Variants in ZFPM2 observed in about 807,000 individuals in gnomAD.
The protein encoded by ZFPM2 is zinc finger protein, FOG family member 2.
In ZFPM2, 20 loss-of-function variants were observed where a neutral mutation model predicts 98.6. That is an observed-to-expected ratio of 0.20 (90% CI 0.14 to 0.29). ZFPM2 has a LOEUF of 0.29. Among genes scored for constraint, ZFPM2 ranks in the 10% least tolerant of loss-of-function variants. The pLI is 1.00. For synonymous variants in ZFPM2, 518 were observed against 502.7 expected (o/e 1.03, Z -0.41); for missense variants, 1,310 against 1,388.6 (o/e 0.94, Z 0.90).
At chr8:105,523,537 G>A (rs139407766) in intron 3 of ZFPM2, among the ~76,000 whole-genome samples, 164 of 152,246 alleles carry the variant, frequency 1.1e-3, no homozygotes, top group African/African-American at 3.8e-3. Context: ...ATATACTAAG[G>A]TTATGCCTTT....
chr8:105,576,684 C>T (rs1008971068), intron 4 of ZFPM2, among the ~76,000 whole-genome samples: 1 of 152,148 alleles, frequency 6.6e-6, no homozygotes, highest in Admixed American at 6.5e-5. Flanking sequence ...TATTAATGCT[C>T]CTACTTTGTA....
intron 4 of ZFPM2, among the ~76,000 whole-genome samples, chr8:105,578,347 A>G (rs1815513084): frequency 6.6e-6 from 1 of 152,102 alleles, no homozygotes; most frequent in Non-Finnish European, 1.5e-5. Flanking sequence ...GCAAAAGTAC[A>G]GACTATTTTA....
chr8:105,340,551 T>C (rs1157627966), intron 1 of ZFPM2, among the ~76,000 whole-genome samples: 3 of 152,014 alleles, frequency 2.0e-5, no homozygotes, highest in Non-Finnish European at 4.4e-5. Flanking sequence ...TAGCTTACTT[T>C]AAAAGCAATA....
chr8:105,325,661 A>G (rs1485308190), intron 1 of ZFPM2, among the ~76,000 whole-genome samples: 1 of 151,660 alleles, frequency 6.6e-6, no homozygotes, highest in Non-Finnish European at 1.5e-5. Flanking sequence ...AAGAACATTG[A>G]TTTAGTTTTT....
chr8:105,802,601 C>T lies in ZFPM2; in HGVS notation c.2519C>T (p.Ser840Phe), dbSNP rs1814065662. ...CTCAGCAAAAAGTGTTTATCTCAGT[C>T]TGAGCGGACGACCACGTCTCCCAAA... ...IDLSKKCLSQ[S>F]ERTTTSPKRL... The change falls in exon 8 of 8, where the codon TCT becomes TTT. Residue 840 changes from serine (S) to phenylalanine (F), a missense_variant. Physicochemically the swap from Ser to Phe is radical, Grantham distance 155. Coordinates refer to ENST00000407775, the MANE Select transcript of ZFPM2 (RefSeq NM_012082.4). 2 of 1,610,370 alleles carry T rather than the reference C, an allele frequency of 1.2e-6. No homozygotes were observed. The highest frequency in any genetic ancestry group is 1.3e-5 in the African/African-American group (1 of 74,864).
At chr8:105,487,414 C>T (rs73302196) in intron 3 of ZFPM2, among the ~76,000 whole-genome samples, 6 of 152,150 alleles carry the variant, frequency 3.9e-5, no homozygotes, top group Non-Finnish European at 8.8e-5. Flanking sequence ...CCACCATATC[C>T]AGCCACAATA....
intron 4 of ZFPM2, among the ~76,000 whole-genome samples, chr8:105,620,031 C>T (rs1040444118): frequency 6.6e-6 from 1 of 151,998 alleles, no homozygotes; most frequent in Non-Finnish European, 1.5e-5. Flanking sequence ...ATTTATAATC[C>T]TTTGGGTATA....
At chr8:105,602,057 G>T (rs965083105) in intron 4 of ZFPM2, among the ~76,000 whole-genome samples, 10 of 152,122 alleles carry the variant, frequency 6.6e-5, no homozygotes, top group African/African-American at 2.4e-4. Flanking sequence ...GTAGACAGAA[G>T]CTTTGAACTT....
intron 3 of ZFPM2, among the ~76,000 whole-genome samples, chr8:105,483,855 T>A (rs1181689286): frequency 6.6e-6 from 1 of 150,968 alleles, no homozygotes; most frequent in Non-Finnish European, 1.5e-5. Context: ...TGCCTCAGCC[T>A]CCCGAGTAGC....
chr8:105,769,350 G>A (rs534256376), intron 5 of ZFPM2, among the ~76,000 whole-genome samples: 110 of 152,110 alleles, frequency 7.2e-4, no homozygotes, highest in African/African-American at 2.6e-3. Context: ...TCCTTTGATT[G>A]ACTCTGTGAT....
At chr8:105,456,437 A>G (rs1376700929) in intron 3 of ZFPM2, among the ~76,000 whole-genome samples, 2 of 151,900 alleles carry the variant, frequency 1.3e-5, no homozygotes, top group Non-Finnish European at 2.9e-5. Context: ...TGTAAAATAA[A>G]TTTTCTTGGT....
At chr8:105,620,848 G>A (rs1469889743) in intron 4 of ZFPM2, among the ~76,000 whole-genome samples, 1 of 152,148 alleles carries the variant, frequency 6.6e-6, no homozygotes, top group Non-Finnish European at 1.5e-5. Context: ...TTGTAGATGT[G>A]TGGTATTATT....
intron 4 of ZFPM2, among the ~76,000 whole-genome samples, chr8:105,624,222 G>A (rs1027614410): frequency 1.1e-4 from 16 of 152,222 alleles, no homozygotes; most frequent in African/African-American, 3.4e-4. Flanking sequence ...AGGGGTACTC[G>A]AGAGCAATTT....
intron 3 of ZFPM2, among the ~76,000 whole-genome samples, chr8:105,444,951 G>A (rs1400915311): frequency 6.6e-6 from 1 of 152,050 alleles, no homozygotes; most frequent in Non-Finnish European, 1.5e-5. Context: ...CAATATAAAT[G>A]TATGTAAATA....
intron 6 of ZFPM2, among the ~76,000 whole-genome samples, chr8:105,791,151 G>A (rs1813597775): frequency 6.6e-6 from 1 of 152,138 alleles, no homozygotes; most frequent in Admixed American, 6.5e-5. Context: ...GTGAGACAGG[G>A]CATCCCTGTC....
intron 1 of ZFPM2, among the ~76,000 whole-genome samples, chr8:105,381,604 G>C: frequency 6.6e-6 from 1 of 152,070 alleles, no homozygotes; most frequent in East Asian, 1.9e-4. Context: ...AGTGGGTCAG[G>C]AAACACATTT....
intron 4 of ZFPM2, among the ~76,000 whole-genome samples, chr8:105,604,357 G>T (rs1816154049): frequency 6.6e-6 from 1 of 152,006 alleles, no homozygotes; most frequent in South Asian, 2.1e-4. Flanking sequence ...GGCCTCAGCA[G>T]CAGCCTTCTC....
At chr8:105,433,673 G>C (rs538358183) in intron 2 of ZFPM2, among the ~76,000 whole-genome samples, 1 of 152,204 alleles carries the variant, frequency 6.6e-6, no homozygotes, top group South Asian at 2.1e-4. Flanking sequence ...TGTAGTCCCA[G>C]CTACTCGGGA....
chr8:105,420,334 A>G (rs111438220), intron 2 of ZFPM2, among the ~76,000 whole-genome samples: 57 of 152,268 alleles, frequency 3.7e-4, no homozygotes, highest in African/African-American at 1.1e-3. Flanking sequence ...GGCCATGTAT[A>G]TATTTAATCA....
Sources: gnomAD v4.1 joint callset for allele counts (sites outside exome capture counted in the v4.1 genomes callset) on GRCh38, gnomAD v4.1.1 for gene constraint, MANE v1.5 for transcripts, NCBI Gene and HGNC (gene_info 2026-07-23, HGNC 2026-07-21) for gene names.